GRM1: variants seen among roughly 807,000 people sequenced by gnomAD.
The protein encoded by GRM1 is glutamate metabotropic receptor 1.
A neutral mutation model predicts 90.9 loss-of-function variants in GRM1; 33 were observed. The ratio of observed to expected loss-of-function variants is 0.36; its 90% confidence interval spans 0.28 to 0.49. GRM1 has a LOEUF of 0.49. Among genes scored for constraint, GRM1 ranks in the 20% least tolerant of loss-of-function variants. The pLI is 0.99. For synonymous variants in GRM1, 700 were observed against 613.2 expected, an observed-to-expected ratio of 1.14 and a Z score of -2.09; for missense variants, 1,190 against 1,534.3, an observed-to-expected ratio of 0.78 and a Z score of 3.75.
intron 1 of GRM1, among the ~76,000 whole-genome samples, chr6:146,114,878 TTTAGA>T (rs1224314479): frequency 6.6e-5 from 10 of 152,068 alleles, no homozygotes; most frequent in Non-Finnish European, 1.3e-4. Context: ...TAATAAGAAA[TTTAGA>T]TTAGATGTTT....
At chr6:146,172,002 G>A (rs1259967502) in intron 2 of GRM1, among the ~76,000 whole-genome samples, 1 of 151,732 alleles carries the variant, frequency 6.6e-6, no homozygotes, top group African/African-American at 2.4e-5. Context: ...GTTGGTATAA[G>A]TTAATATGGT....
intron 1 of GRM1, among the ~76,000 whole-genome samples, chr6:146,051,059 G>T (rs945143290): frequency 2.0e-5 from 3 of 151,960 alleles, no homozygotes; most frequent in Non-Finnish European, 4.4e-5. Flanking sequence ...ATAATAAAAA[G>T]TCTGGGTATG....
At chr6:146,351,720 A>T (rs1487365857) in intron 3 of GRM1, among the ~76,000 whole-genome samples, 1 of 152,234 alleles carries the variant, frequency 6.6e-6, no homozygotes, top group Non-Finnish European at 1.5e-5. Flanking sequence ...GTATATAAGA[A>T]GAGATTCATA....
At chr6:146,325,983 C>A (rs1784386875) in intron 3 of GRM1, among the ~76,000 whole-genome samples, 1 of 152,026 alleles carries the variant, frequency 6.6e-6, no homozygotes, top group Admixed American at 6.6e-5. Context: ...TCCTTAGCGC[C>A]AGGTTTGGTT....
intron 1 of GRM1, among the ~76,000 whole-genome samples, chr6:146,119,511 T>C (rs780203176): frequency 3.3e-5 from 5 of 152,238 alleles, no homozygotes; most frequent in Admixed American, 6.5e-5. Flanking sequence ...ATGAAGTCCT[T>C]GCCCATGCCT....
At chr6:146,286,398 C>A (rs17075850) in intron 2 of GRM1, among the ~76,000 whole-genome samples, 31,686 of 151,928 alleles carry the variant, frequency 0.21, 7,307 homozygotes, top group African/African-American at 0.58. Context: ...TTTAAAAAAC[C>A]TATCTACTTG....
intron 2 of GRM1, among the ~76,000 whole-genome samples, chr6:146,193,846 C>T (rs1240339763): frequency 1.3e-5 from 2 of 152,028 alleles, no homozygotes; most frequent in Non-Finnish European, 2.9e-5. Flanking sequence ...ACTTTCCTGT[C>T]CCCTTTTAGT....
chr6:146,140,350 C>T (rs539677951), intron 1 of GRM1, among the ~76,000 whole-genome samples: 2 of 152,068 alleles, frequency 1.3e-5, no homozygotes, highest in Admixed American at 6.5e-5. Context: ...CTCACTGCAA[C>T]CTCTGCCACC....
intron 7 of GRM1, among the ~76,000 whole-genome samples, chr6:146,421,610 T>C (rs186743955): frequency 6.6e-6 from 1 of 152,246 alleles, no homozygotes; most frequent in African/African-American, 2.4e-5. Context: ...AAGAAGATTT[T>C]AATAGGGCAA....
intron 1 of GRM1, among the ~76,000 whole-genome samples, chr6:146,085,761 A>G (rs1776521738): frequency 6.6e-6 from 1 of 152,172 alleles, no homozygotes; most frequent in Admixed American, 6.6e-5. Context: ...CTAAGAGTGT[A>G]CTGGCATTTT....
chr6:146,295,385 G>A (rs941916551), intron 2 of GRM1, among the ~76,000 whole-genome samples: 3 of 103,090 alleles, frequency 2.9e-5, no homozygotes, highest in East Asian at 2.6e-4. Flanking sequence ...CCCCATGCCC[G>A]GCTAATTTTT....
intron 7 of GRM1, among the ~76,000 whole-genome samples, chr6:146,432,709 G>A (rs1778458953): frequency 6.6e-6 from 1 of 152,138 alleles, no homozygotes; most frequent in Non-Finnish European, 1.5e-5. Context: ...CTGATTTAAG[G>A]ATTCCACCGT....
chr6:146,270,845 TTCTTTTTCTTTCTTTCTTTCTTTCTTTC>T (rs1562570934), intron 2 of GRM1, among the ~76,000 whole-genome samples: 9 of 146,578 alleles, frequency 6.1e-5, no homozygotes, highest in African/African-American at 2.3e-4. Context: ...CTGCCTTTCT[TTCTTTTTCTTTCTTTCTTTCTTTCTTTC>T]TTTCTTTCTT....
At chr6:146,397,213 T>C (rs1316204732) in intron 6 of GRM1, among the ~76,000 whole-genome samples, 1 of 152,064 alleles carries the variant, frequency 6.6e-6, no homozygotes, top group Non-Finnish European at 1.5e-5. Context: ...CTGGGTGTGG[T>C]GGCTCATGCC....
chr6:146,100,670 G>T (rs553905153), intron 1 of GRM1, among the ~76,000 whole-genome samples: 8 of 152,208 alleles, frequency 5.3e-5, no homozygotes, highest in African/African-American at 1.7e-4. Context: ...CTTGATAACT[G>T]GGCAAGTCCT....
At chr6:146,233,723 G>A (rs1258840189) in intron 2 of GRM1, among the ~76,000 whole-genome samples, 1 of 151,994 alleles carries the variant, frequency 6.6e-6, no homozygotes, top group African/African-American at 2.4e-5. Context: ...TTAAAATATA[G>A]TTTACTTATA....
At chr6:146,055,644 C>T (rs1292562288) in intron 1 of GRM1, among the ~76,000 whole-genome samples, 1 of 152,028 alleles carries the variant, frequency 6.6e-6, no homozygotes, top group African/African-American at 2.4e-5. Context: ...GGGAGGTGTG[C>T]TTCTTTTCTG....
At chr6:146,220,301 A>G (rs1780017709) in intron 2 of GRM1, among the ~76,000 whole-genome samples, 1 of 152,168 alleles carries the variant, frequency 6.6e-6, no homozygotes, top group African/African-American at 2.4e-5. Flanking sequence ...AATGTGTATT[A>G]TCAGGTCCAA....
chr6:146,083,831 T>G (rs1776449147), intron 1 of GRM1, among the ~76,000 whole-genome samples: 1 of 152,218 alleles, frequency 6.6e-6, no homozygotes, highest in Admixed American at 6.5e-5. Context: ...TTTGTACCTC[T>G]GGTGGAATTC....
Sources: gnomAD v4.1 joint callset for allele counts (sites outside exome capture counted in the v4.1 genomes callset) on GRCh38, gnomAD v4.1.1 for gene constraint, MANE v1.5 for transcripts, NCBI Gene and HGNC (gene_info 2026-07-23, HGNC 2026-07-21) for gene names.